ZNF566: variants seen among roughly 807,000 people sequenced by gnomAD.
The protein encoded by ZNF566 is zinc finger protein 566.
In ZNF566, 27 loss-of-function variants were observed where a neutral mutation model predicts 32.8. That is an observed-to-expected ratio of 0.82 (90% CI 0.61 to 1.14). The LOEUF (loss-of-function observed/expected upper bound fraction) is 1.14, where lower values mean the gene tolerates loss of function less well. ZNF566 is among the 50% of genes most tolerant of loss of function. ZNF566 has a pLI of 0.00. For missense variants in ZNF566, 402 were observed against 490.4 expected (o/e 0.82, Z 1.70); for synonymous variants, 154 against 159.5 (o/e 0.97, Z 0.26).
At chr19:36,475,371 G>A (rs1218081874) in intron 2 of ZNF566, among the ~76,000 whole-genome samples, 1 of 152,072 alleles carries the variant, frequency 6.6e-6, no homozygotes. Context: ...TGCTTAGTGA[G>A]GTGTGAGAGC....
rs554197099 is a variant in ZNF566 at position 36,453,430 on chromosome 19, G to A, written c.233-3429C>T. ...AGAGGTTGCAGTGAGCCGAGATCGC[G>A]CCACTGCACTCCAGCCTGGGTGACA... On this transcript the variant is annotated intron_variant, in intron 4 of 4. Transcript: ENST00000452939. Among the ~76,000 whole-genome samples, 406 of 150,770 alleles carry A rather than the reference G, an allele frequency of 2.7e-3. 2 individuals are homozygous for A. The highest frequency in any genetic ancestry group is 9.3e-3 in the African/African-American group (382 of 41,156).
At chr19:36,453,901 G>A (rs1259912904) in intron 4 of ZNF566, among the ~76,000 whole-genome samples, 1 of 152,026 alleles carries the variant, frequency 6.6e-6, no homozygotes, top group African/African-American at 2.4e-5. Flanking sequence ...TCGGTTTGCT[G>A]CAACCTCTGC....
At chr19:36,463,485 G>T (rs1263709142) in intron 4 of ZNF566, among the ~76,000 whole-genome samples, 1 of 149,290 alleles carries the variant, frequency 6.7e-6, no homozygotes, top group African/African-American at 2.5e-5. Context: ...ATGATTTAAC[G>T]TAATAAAGAT....
chr19:36,460,448 C>T (rs2033433471), intron 4 of ZNF566, among the ~76,000 whole-genome samples: 2 of 152,066 alleles, frequency 1.3e-5, no homozygotes, highest in African/African-American at 4.8e-5. Flanking sequence ...CTAGGCTCAA[C>T]AGCAGAATGG....
Position 36,455,826 on chromosome 19 carries a change from GT to G in ZNF566, c.233-5826del, listed in dbSNP as rs375050193. 1.0e-3 allele frequency among the ~76,000 whole-genome samples: 153 copies of G among 152,132 alleles called. 1 individual carries two copies. The highest frequency in any genetic ancestry group is 3.6e-3 in the African/African-American group (151 of 41,532). ...GAGGCCAAGGTGGGCGGATCATGAT[GT>G]CAGGAGATCGAGACCATCCTGGCTA... On this transcript the variant is annotated intron_variant, in intron 4 of 4. Transcript: ENST00000452939.
intron 4 of ZNF566, among the ~76,000 whole-genome samples, chr19:36,457,291 C>T (rs2033341014): frequency 6.6e-6 from 1 of 151,978 alleles, no homozygotes; most frequent in South Asian, 2.1e-4. Flanking sequence ...AAACTAAAAA[C>T]ACAGAAAAGA....
intron 4 of ZNF566, among the ~76,000 whole-genome samples, chr19:36,466,446 A>G (rs1014160368): frequency 6.6e-6 from 1 of 152,226 alleles, no homozygotes; most frequent in African/African-American, 2.4e-5. Context: ...CAGAGGGCCA[A>G]CTATACGTAT....
intron 4 of ZNF566, chr19:36,456,380 C>CAAAAAAAAAAAAAAAAAAA (rs59964294): frequency 1.0e-5 from 1 of 96,530 alleles, no homozygotes; most frequent in African/African-American, 3.9e-5. Context: ...TACTAAAATA[C>CAAAAAAAAAAAAAAAAAAA]AAAAAAAAAA....
chr19:36,449,374 T>G lies in ZNF566; in HGVS notation c.860A>C (p.Glu287Ala), dbSNP rs373966215. The G allele has an allele frequency of 2.5e-6, 4 of 1,614,056 alleles. No homozygotes were observed. The highest frequency in any genetic ancestry group is 3.4e-6 in the Non-Finnish European group (4 of 1,180,024). Residue 287 changes from glutamate to alanine, a missense_variant, in exon 5 of 5, where the codon GAA becomes GCA. Transcript: ENST00000452939. ...HTGEKPYECKECGKAFSSGSN... is the reference protein window; with the variant it reads ...HTGEKPYECKACGKAFSSGSN... ...GCCACTACTAAAGGCCTTCCCGCAT[T>G]CTTTGCATTCATAAGGCTTCTCACC...
At chr19:36,470,946 C>T (rs900108047) in intron 4 of ZNF566, among the ~76,000 whole-genome samples, 1 of 151,536 alleles carries the variant, frequency 6.6e-6, no homozygotes, top group Non-Finnish European at 1.5e-5. Flanking sequence ...TGGTGGCTCA[C>T]GCCTGTAATC....
intron 2 of ZNF566, chr19:36,476,337 C>G (rs946730407): frequency 2.7e-6 from 1 of 364,994 alleles, no homozygotes; most frequent in Non-Finnish European, 4.9e-6. Context: ...AATTTTCTAA[C>G]AATGATTATG....
At chr19:36,480,206 T>C (rs1329102163) in intron 1 of ZNF566, among the ~76,000 whole-genome samples, 2 of 151,506 alleles carry the variant, frequency 1.3e-5, no homozygotes, top group East Asian at 1.9e-4. Context: ...AAATAGAATA[T>C]AGAGTCCAGA....
chr19:36,459,951 G>T (rs1479632064), intron 4 of ZNF566, among the ~76,000 whole-genome samples: 2 of 150,766 alleles, frequency 1.3e-5, no homozygotes, highest in African/African-American at 4.9e-5. Context: ...CTCCCAAGTA[G>T]CTGAGATCAT....
Position 36,449,673 on chromosome 19 carries a change from A to G in ZNF566, c.561T>C (p.Ala187=). The G allele has an allele frequency of 6.2e-7, 1 of 1,614,122 alleles. No individual in the cohort carries two copies. The stretch of plus-strand genomic sequence containing the variant: ...CAATGGTATGAATTATCTCATGTGT[A>G]GCAAACTGTGAGCCATGTCTAAAGG... The part of the protein sequence containing the change: ...RKTFRHGSQF[A]THEIIHTIEK... The change falls in exon 5 of 5, where the codon GCT becomes GCC. Residue 187 remains alanine (A), a synonymous_variant. Transcript: ENST00000452939.
chr19:36,477,069 G>A (rs886220599), intron 1 of ZNF566, among the ~76,000 whole-genome samples: 18 of 151,864 alleles, frequency 1.2e-4, no homozygotes, highest in Non-Finnish European at 2.4e-4. Context: ...GGAGTGCAGT[G>A]GTGCAATCTT....
At chr19:36,459,613 C>T (rs7255284) in intron 4 of ZNF566, among the ~76,000 whole-genome samples, 2,022 of 150,064 alleles carry the variant, frequency 0.013, 46 homozygotes, top group African/African-American at 0.047. Flanking sequence ...CAGGTTCAAG[C>T]GATTCTCCTG....
chr19:36,483,082 G>T (rs2034074757), intron 1 of ZNF566, among the ~76,000 whole-genome samples: 2 of 152,150 alleles, frequency 1.3e-5, no homozygotes, highest in Admixed American at 1.3e-4. Flanking sequence ...AGCATCCTTT[G>T]TCTCAGACTC....
At chr19:36,485,214 G>A (rs1449770761) in intron 1 of ZNF566, among the ~76,000 whole-genome samples, 1 of 150,562 alleles carries the variant, frequency 6.6e-6, no homozygotes, top group African/African-American at 2.4e-5. Context: ...ACAGGAGGAT[G>A]GCTTGAAAGC....
intron 4 of ZNF566, among the ~76,000 whole-genome samples, chr19:36,467,358 C>G (rs1377621403): frequency 1.3e-5 from 2 of 148,816 alleles, no homozygotes; most frequent in East Asian, 3.9e-4. Context: ...CCACTTGAAC[C>G]TGAGAGGCAG....
Sources: allele counts gnomAD v4.1 joint callset (sites outside exome capture counted in the v4.1 genomes callset), GRCh38; gene constraint gnomAD v4.1.1; transcripts MANE v1.5; gene names NCBI Gene and HGNC (gene_info 2026-07-23, HGNC 2026-07-21).